Variants in DPH5 observed in about 807,000 individuals in gnomAD.
DPH5 encodes the protein diphthamide biosynthesis 5.
In DPH5, 31 loss-of-function variants were observed where a neutral mutation model predicts 31.6. The observed-to-expected ratio is 0.98, with a 90% CI of 0.74 to 1.32. The LOEUF (loss-of-function observed/expected upper bound fraction) is 1.32. Among genes scored for constraint, DPH5 ranks in the 40% most tolerant of loss-of-function variants. DPH5 has a pLI of 0.00. For synonymous variants in DPH5, 120 were observed against 115.0 expected (o/e 1.04, Z -0.28); for missense variants, 309 against 335.7 (o/e 0.92, Z 0.62).
At chr1:101,014,563 T>C (rs1341174269) in intron 3 of DPH5, among the ~76,000 whole-genome samples, 1 of 152,206 alleles carries the variant, frequency 6.6e-6, no homozygotes, top group African/African-American at 2.4e-5. Flanking sequence ...GGCTCCATGT[T>C]GATGGCTGCT....
In DPH5 at chr1:100,990,560, T is replaced by G. The variant is rs1382909922; in HGVS notation, c.706A>C (p.Thr236Pro). 111 of 1,614,008 alleles carry G rather than the reference T, an allele frequency of 6.9e-5. No homozygotes were observed. The highest frequency in any genetic ancestry group is 9.0e-5 in the Non-Finnish European group (106 of 1,180,022). Reference protein sequence around the residue: ...GADDQKIAAGTLRQMCTVDLG... With the variant: ...GADDQKIAAGPLRQMCTVDLG... ...TCCACAGTGCACATTTGCCTTAAAGTGCCTGCTGCAATTTTCTGGTCGTCG... is the reference window on the plus strand; with the variant it reads ...TCCACAGTGCACATTTGCCTTAAAGGGCCTGCTGCAATTTTCTGGTCGTCG... The change falls in exon 8 of 8, where the codon ACT (threonine) becomes CCT (proline). Residue 236 changes from threonine to proline, a missense_variant. Thr to Pro is a conservative substitution (Grantham distance 38). Transcript: ENST00000370109.
chr1:100,993,475 C>G (rs1248839492), intron 6 of DPH5, among the ~76,000 whole-genome samples: 4 of 148,482 alleles, frequency 2.7e-5, no homozygotes, highest in African/African-American at 7.5e-5. Flanking sequence ...TCAATTGAAC[C>G]CGGGAGACGG....
intron 2 of DPH5, among the ~76,000 whole-genome samples, chr1:101,022,381 T>C (rs1433291774): frequency 6.6e-6 from 1 of 152,204 alleles, no homozygotes; most frequent in African/African-American, 2.4e-5. Context: ...GAATTCTAAA[T>C]ATGTAGGAAG....
intron 5 of DPH5, among the ~76,000 whole-genome samples, chr1:100,999,674 A>G (rs1236554375): frequency 6.6e-6 from 1 of 151,892 alleles, no homozygotes; most frequent in Non-Finnish European, 1.5e-5. Flanking sequence ...CCCCATCTTT[A>G]CTAAAAATAC....
intron 4 of DPH5, among the ~76,000 whole-genome samples, chr1:101,005,526 A>C (rs1019903327): frequency 5.3e-5 from 8 of 152,234 alleles, no homozygotes; most frequent in Admixed American, 5.2e-4. Flanking sequence ...GCCACACACT[A>C]GGTACATAAA....
At chr1:100,991,523 C>T (rs547321776) in intron 7 of DPH5, among the ~76,000 whole-genome samples, 3 of 152,274 alleles carry the variant, frequency 2.0e-5, no homozygotes, top group Admixed American at 1.3e-4. Flanking sequence ...TGCGGTGACT[C>T]GCACCTGTAA....
chr1:100,990,753 C>A, intron 7 of DPH5, 122 bp from the exon 8 acceptor site: 1 of 877,744 alleles, frequency 1.1e-6, no homozygotes, highest in African/African-American at 1.7e-5. Context: ...ATCTCTTTTG[C>A]CACTTATGGA....
intron 3 of DPH5, among the ~76,000 whole-genome samples, chr1:101,014,251 ACTTTGT>A (rs1169067467): frequency 6.6e-6 from 1 of 152,188 alleles, no homozygotes; most frequent in Admixed American, 6.5e-5. Flanking sequence ...TATTTTGAAG[ACTTTGT>A]CTTTGTATTT....
rs1658005906 is a variant in DPH5 at position 100,993,559 on chromosome 1, A to AATATATATATCTATAT, written c.531-820_531-819insATATAGATATATATAT. ...AGAGCAAGACTCTGTCGAAAATATA[A>AATATATATATCTATAT]ATATATATATATATATATATATATA... On this transcript the variant is annotated intron_variant, in intron 6 of 7. Coordinates refer to ENST00000370109, the MANE Select transcript of DPH5 (RefSeq NM_015958.3). 5.3e-5 allele frequency among the ~76,000 whole-genome samples: 3 copies of AATATATATATCTATAT among 56,546 alleles called. 1 individual carries two copies. Among genetic ancestry groups the AATATATATATCTATAT allele is most frequent in the African/African-American group, 1.3e-4 (2 of 15,990 alleles). 37.1% of individuals were successfully genotyped at this position (56,546 alleles called of 152,430 possible). A position where few individuals can be genotyped will look rare whatever the true frequency, so the allele number is the denominator to read the frequency against.
chr1:101,023,555 T>C (rs1288784768), intron 2 of DPH5, among the ~76,000 whole-genome samples: 1 of 152,172 alleles, frequency 6.6e-6, no homozygotes, highest in Non-Finnish European at 1.5e-5. Context: ...AGTTTTGTCT[T>C]TGGAAAAAAA....
chr1:101,001,348 G>T, intron 5 of DPH5, 119 bp downstream of exon 5: 1 of 962,934 alleles, frequency 1.0e-6, no homozygotes, highest in Non-Finnish European at 1.5e-6. Flanking sequence ...TGCATAGAAT[G>T]GCTAGACTGT....
rs115592640 is a variant in DPH5 at position 101,000,690 on chromosome 1, C to G, written c.490+777G>C. ...GTCAGTTAGCTGTGTTCTGTTTAGT[C>G]ACAGATTAAGTCTTTGATACCAGTA... is the stretch of plus-strand genomic sequence containing the variant. On this transcript the variant is annotated intron_variant, in intron 5 of 7. Coordinates refer to ENST00000370109, the MANE Select transcript of DPH5 (RefSeq NM_015958.3). Among the ~76,000 whole-genome samples the G allele has an allele frequency of 6.3e-3, 962 of 152,238 alleles. 16 individuals are homozygous for G. Among genetic ancestry groups the G allele is most frequent in the African/African-American group, 0.02 (835 of 41,552 alleles).
chr1:100,990,841 T>G (rs752162677), intron 7 of DPH5, among the ~76,000 whole-genome samples: 25 of 152,236 alleles, frequency 1.6e-4, no homozygotes, highest in African/African-American at 5.8e-4. Context: ...TTCCAAACTT[T>G]ACCCTTTCAG....
chr1:101,008,438 G>C (rs898627076), intron 4 of DPH5, among the ~76,000 whole-genome samples: 1 of 152,248 alleles, frequency 6.6e-6, no homozygotes, highest in Non-Finnish European at 1.5e-5. Context: ...CTGAGATCCA[G>C]AGAAGATGAC....
At chr1:101,025,635 C>T (rs1470035586) in intron 1 of DPH5, 48 bp downstream of exon 1, 1 of 658,776 alleles carries the variant, frequency 1.5e-6, no homozygotes, top group East Asian at 2.8e-5. Context: ...TTTAAACAAC[C>T]CTACCAGTTT....
intron 4 of DPH5, among the ~76,000 whole-genome samples, chr1:101,010,493 C>A (rs937756022): frequency 3.9e-5 from 6 of 152,160 alleles, no homozygotes; most frequent in Non-Finnish European, 8.8e-5. Flanking sequence ...GTGGTTGATT[C>A]TGAACTCTGC....
In DPH5 at chr1:101,025,726, T is replaced by C; in HGVS notation, c.-67A>G. 2.7e-6 allele frequency: 1 copy of C among 373,074 alleles called. No homozygotes were observed. Among genetic ancestry groups the C allele is most frequent in the Non-Finnish European group, 4.9e-6 (1 of 204,464 alleles). 23.1% of individuals were successfully genotyped at this position (373,074 alleles called of 1,614,324 possible). A position where few individuals can be genotyped will look rare whatever the true frequency, so the allele number is the denominator to read the frequency against. On this transcript the variant is annotated 5_prime_UTR_variant, in exon 1 of 8. Coordinates refer to ENST00000370109, the MANE Select transcript of DPH5 (RefSeq NM_015958.3). Reference sequence around the variant, plus strand: ...GTAGTTCTCTGGCCTTTACAAATTCTTAACTACCACCTTTCCGCAGAAGCA... The same window carrying C: ...GTAGTTCTCTGGCCTTTACAAATTCCTAACTACCACCTTTCCGCAGAAGCA...
intron 4 of DPH5, among the ~76,000 whole-genome samples, chr1:101,010,657 C>T (rs1392138019): frequency 2.0e-5 from 3 of 152,130 alleles, no homozygotes; most frequent in African/African-American, 7.2e-5. Flanking sequence ...TGTTTTTGAA[C>T]TCATGGAAAG....
chr1:101,001,763 T>C (rs1192428403), intron 4 of DPH5, among the ~76,000 whole-genome samples, 176 bp from the exon 5 acceptor site: 1 of 152,210 alleles, frequency 6.6e-6, no homozygotes, highest in Non-Finnish European at 1.5e-5. Context: ...TCATGGTAGC[T>C]GGTGTCTTTC....
Sources: allele counts gnomAD v4.1 joint callset (sites outside exome capture counted in the v4.1 genomes callset), GRCh38; gene constraint gnomAD v4.1.1; transcripts MANE v1.5; gene names NCBI Gene and HGNC (gene_info 2026-07-23, HGNC 2026-07-21).